FNDC1: variants seen among roughly 807,000 people sequenced by gnomAD.
The protein encoded by FNDC1 is fibronectin type III domain containing 1.
FNDC1 carries 96 observed loss-of-function variants against 168.0 expected under a neutral mutation model. The observed-to-expected ratio is 0.57, with a 90% CI of 0.48 to 0.68. The LOEUF is 0.68. Ranked by LOEUF, FNDC1 falls within the 30% of genes least tolerant of loss-of-function variation. FNDC1 has a pLI of 0.00. For synonymous variants in FNDC1, 1,099 were observed against 1,025.9 expected (o/e 1.07, Z -1.36); for missense variants, 2,587 against 2,482.1 (o/e 1.04, Z -0.90).
At chr6:159,205,635 C>T (rs1044937533) in intron 4 of FNDC1, among the ~76,000 whole-genome samples, 1 of 152,172 alleles carries the variant, frequency 6.6e-6, no homozygotes, top group Non-Finnish European at 1.5e-5. Context: ...TTCTAGGTTC[C>T]TTTCTAAGAA....
chr6:159,181,143 G>A (rs1781869388), intron 1 of FNDC1, among the ~76,000 whole-genome samples: 1 of 152,180 alleles, frequency 6.6e-6, no homozygotes, highest in South Asian at 2.1e-4. Context: ...GACAGCATCT[G>A]TTGTTTCTTG....
chr6:159,199,096 T>A (rs1378774124), intron 2 of FNDC1, among the ~76,000 whole-genome samples: 1 of 152,234 alleles, frequency 6.6e-6, no homozygotes, highest in African/African-American at 2.4e-5. Context: ...GAACTAACCC[T>A]CACCTCTCCA....
At chr6:159,228,024 T>C (rs1782990306) in intron 9 of FNDC1, among the ~76,000 whole-genome samples, 1 of 127,774 alleles carries the variant, frequency 7.8e-6, no homozygotes, top group Non-Finnish European at 1.5e-5. Context: ...CCTCTGAAAA[T>C]TGAATAAAGA....
intron 14 of FNDC1, chr6:159,241,171 T>G (rs1054107478): frequency 2.0e-5 from 3 of 152,258 alleles, no homozygotes; most frequent in African/African-American, 4.8e-5. Context: ...AGTATAAATT[T>G]GAATTTACCT....
chr6:159,224,550 A>G (rs563588336), intron 7 of FNDC1, among the ~76,000 whole-genome samples: 3 of 152,292 alleles, frequency 2.0e-5, no homozygotes, highest in Non-Finnish European at 4.4e-5. Context: ...AGTAAAAAAG[A>G]TAGCTGCTTT....
At chr6:159,223,732 C>T in intron 7 of FNDC1, 87 bp downstream of exon 7, 1 of 755,050 alleles carries the variant, frequency 1.3e-6, no homozygotes, top group East Asian at 2.7e-5. Flanking sequence ...ATTTTATTTT[C>T]TGACTTACAT....
intron 16 of FNDC1, among the ~76,000 whole-genome samples, chr6:159,249,947 T>C (rs1409201921): frequency 6.6e-6 from 1 of 152,190 alleles, no homozygotes; most frequent in Non-Finnish European, 1.5e-5. Context: ...AAACCACACG[T>C]ACTTGAAGAA....
Position 159,239,821 on chromosome 6 carries a change from G to C in FNDC1, c.4485G>C (p.Thr1495=). Residue 1495 remains threonine (T), a synonymous_variant, in exon 14 of 23, where the codon ACG becomes ACC. Coordinates refer to ENST00000297267, the MANE Select transcript of FNDC1 (RefSeq NM_032532.3). Reference sequence around the variant, plus strand: ...CAACAACCACAGTCCGAACCACTACGCGGACAACCACCACCACCACCCCCA... The same window carrying C: ...CAACAACCACAGTCCGAACCACTACCCGGACAACCACCACCACCACCCCCA... ...RRPTTTVRTT[T]RTTTTTTPTP... 8 of 1,546,208 alleles carry C rather than the reference G, an allele frequency of 5.2e-6. No individual in the cohort carries two copies. Among genetic ancestry groups the C allele is most frequent in the Non-Finnish European group, 7.0e-6 (8 of 1,142,894 alleles).
chr6:159,220,037 T>C (rs1172335404), intron 5 of FNDC1, among the ~76,000 whole-genome samples: 1 of 152,210 alleles, frequency 6.6e-6, no homozygotes, highest in Non-Finnish European at 1.5e-5. Flanking sequence ...TAAAACATTT[T>C]AAAATCTTCT....
rs75421113 is a variant in FNDC1 at position 159,197,665 on chromosome 6, T to C, written c.304+40T>C. 5,526 of 1,547,656 alleles carry C rather than the reference T, an allele frequency of 3.6e-3. 13 individuals carry two copies. Among genetic ancestry groups the C allele is most frequent in the Non-Finnish European group, 4.2e-3 (4,784 of 1,134,746 alleles). The stretch of plus-strand genomic sequence containing the variant: ...GATCTTGTTCCCAGTCAGAATTAAC[T>C]GTGCACCAACATTCTCAGTTGCATT... On this transcript the variant is annotated intron_variant, in intron 2 of 22. Coordinates refer to ENST00000297267, the MANE Select transcript of FNDC1 (RefSeq NM_032532.3).
rs570135764 is a variant in FNDC1 at position 159,197,652 on chromosome 6, A to T, written c.304+27A>T. 2.5e-5 allele frequency: 39 copies of T among 1,580,442 alleles called. No individual in the cohort carries two copies. In the South Asian group the frequency reaches 4.4e-4, roughly 18 times the overall value. On this transcript the variant is annotated intron_variant, in intron 2 of 22. Transcript: ENST00000297267. ...TAAGTGACACTCTGATCTTGTTCCC[A>T]GTCAGAATTAACTGTGCACCAACAT...
chr6:159,227,407 G>A (rs1389105481), intron 9 of FNDC1, among the ~76,000 whole-genome samples: 1 of 152,140 alleles, frequency 6.6e-6, no homozygotes, highest in Admixed American at 6.5e-5. Flanking sequence ...ACTATGAAAT[G>A]TTTGTGTAAG....
chr6:159,198,682 CAT>C (rs962162428), intron 2 of FNDC1, among the ~76,000 whole-genome samples: 2 of 152,198 alleles, frequency 1.3e-5, no homozygotes, highest in African/African-American at 2.4e-5. Flanking sequence ...AGAAGAAAAA[CAT>C]GTGAAAAGAG....
intron 12 of FNDC1, 61 bp downstream of exon 12, chr6:159,236,376 T>C (rs1272017082): frequency 9.0e-6 from 10 of 1,108,782 alleles, no homozygotes; most frequent in Non-Finnish European, 1.2e-5. Flanking sequence ...AGAAAAATGG[T>C]GGACATTGTG....
In FNDC1 at chr6:159,233,273, C is replaced by T. The variant is rs375662773; in HGVS notation, c.2761C>T (p.Arg921Trp). 3.9e-5 allele frequency: 63 copies of T among 1,613,850 alleles called. No homozygotes were observed. In the African/African-American group the frequency reaches 6.9e-4, roughly 18 times the overall value. ...RSPQRGASLHRKEPIPENPKS... is the reference protein window; with the variant it reads ...RSPQRGASLHWKEPIPENPKS... ...CCCGCAGAGAGGGGCCAGCCTGCAT[C>T]GGAAGGAACCCATCCCAGAGAACCC... The change falls in exon 11 of 23, where the codon CGG becomes TGG. Residue 921 changes from arginine to tryptophan, a missense_variant. Transcript: ENST00000297267. The surrounding 1 kb of genome is among the most constrained non-coding windows in gnomAD (Gnocchi z 4.6).
chr6:159,256,806 G>A (rs574668837), intron 18 of FNDC1, among the ~76,000 whole-genome samples, 175 bp downstream of exon 18: 8 of 152,338 alleles, frequency 5.3e-5, no homozygotes, highest in African/African-American at 1.9e-4. Flanking sequence ...TTTCTTAGAA[G>A]AGATGACTGT....
chr6:159,220,260 A>T (rs933025272), intron 5 of FNDC1, among the ~76,000 whole-genome samples: 1 of 152,200 alleles, frequency 6.6e-6, no homozygotes, highest in Non-Finnish European at 1.5e-5. Flanking sequence ...GTTTAGCACA[A>T]CATGCTTGTA....
At chr6:159,227,838 A>C (rs1265436331) in intron 9 of FNDC1, among the ~76,000 whole-genome samples, 1 of 152,186 alleles carries the variant, frequency 6.6e-6, no homozygotes, top group Non-Finnish European at 1.5e-5. Flanking sequence ...TCCATGCATT[A>C]GTCTCATAAT....
chr6:159,246,478 G>A lies in FNDC1; in HGVS notation c.4622-423G>A, dbSNP rs961694408. ...TTTGTCACCATCCTGAGCACCAACC[G>A]CCCACTCTCTTCTGTCTCTCGTGAC... On this transcript the variant is annotated intron_variant, in intron 14 of 22. Transcript: ENST00000297267. Among the ~76,000 whole-genome samples, 27 of 152,316 alleles carry A rather than the reference G, an allele frequency of 1.8e-4. No homozygotes were observed. In the East Asian group the frequency reaches 2.9e-3, roughly 16 times the overall value.
Sources: gnomAD v4.1 joint callset for allele counts (sites outside exome capture counted in the v4.1 genomes callset) on GRCh38, gnomAD v4.1.1 for gene constraint, Gnocchi (gnomAD v3.1) non-coding constraint, MANE v1.5 for transcripts, NCBI Gene and HGNC (gene_info 2026-07-23, HGNC 2026-07-21) for gene names.